SCP2: variants seen among roughly 807,000 people sequenced by gnomAD.
SCP2 encodes the protein SCP-2/3-oxoacyl-CoA thiolase.
A neutral mutation model predicts 71.4 loss-of-function variants in SCP2; 48 were observed. That is an observed-to-expected ratio of 0.67 (90% CI 0.53 to 0.86). The LOEUF (loss-of-function observed/expected upper bound fraction) is 0.86. SCP2 is among the 40% of genes least tolerant of loss of function. The pLI is 0.00. For synonymous variants in SCP2, 220 were observed against 218.1 expected (o/e 1.01, Z -0.08); for missense variants, 560 against 655.6 (o/e 0.85, Z 1.59).
At chr1:52,966,498 G>A (rs907509738) in intron 6 of SCP2, among the ~76,000 whole-genome samples, 1 of 151,622 alleles carries the variant, frequency 6.6e-6, no homozygotes, top group African/African-American at 2.4e-5. Context: ...AGGTTCTGTT[G>A]CTATTATTTT....
rs113895458 is a variant in SCP2, at chr1:52,978,338, T to A, written c.796T>A (p.Ser266Thr). 1.2e-6 allele frequency: 2 copies of A among 1,614,066 alleles called. No individual in the cohort carries two copies. The highest frequency in any genetic ancestry group is 4.5e-5 in the East Asian group (2 of 44,886). Residue 266 changes from serine (S) to threonine (T), a missense_variant, in exon 9 of 16, where the codon TCG becomes ACG. By Grantham distance (58) the Ser-to-Thr change is moderately conservative. Around this residue, in one of 3 missense-constraint regions of SCP2, gnomAD observed 513 missense variants for 573.1 expected, o/e 0.90. Coordinates refer to ENST00000371514, the MANE Select transcript of SCP2 (RefSeq NM_002979.5). ...AGAAATGATGACTGATTTGCCAAGC[T>A]CGTTTGAAGAAAAAAGCATTATTAA... ...AQEMMTDLPS[S>T]FEEKSIIKMV...
intron 13 of SCP2, among the ~76,000 whole-genome samples, chr1:53,038,295 T>A (rs1487097641): frequency 6.9e-6 from 1 of 144,828 alleles, no homozygotes; most frequent in Non-Finnish European, 1.5e-5. Flanking sequence ...GATCTCTACA[T>A]TAAAGATGCC....
At chr1:52,976,940 G>A (rs1658026578) in intron 8 of SCP2, among the ~76,000 whole-genome samples, 171 bp downstream of exon 8, 1 of 152,028 alleles carries the variant, frequency 6.6e-6, no homozygotes, top group East Asian at 1.9e-4. Context: ...TCTTACTCCT[G>A]CCTGGAGACA....
chr1:53,021,090 C>T (rs1035891183), intron 12 of SCP2, among the ~76,000 whole-genome samples: 9 of 151,868 alleles, frequency 5.9e-5, no homozygotes, highest in East Asian at 3.9e-4. Flanking sequence ...ACTGCAGCCT[C>T]GACCTCCCCA....
intron 2 of SCP2, 149 bp from the exon 3 acceptor site, chr1:52,947,860 T>C: frequency 1.5e-6 from 1 of 664,858 alleles, no homozygotes; most frequent in East Asian, 2.7e-5. Flanking sequence ...AAAGTAGAGA[T>C]GTGACATGAT....
At chr1:53,031,303 T>C (rs865972672) in intron 13 of SCP2, among the ~76,000 whole-genome samples, 1 of 152,232 alleles carries the variant, frequency 6.6e-6, no homozygotes, top group South Asian at 2.1e-4. Flanking sequence ...TGCTCCATTT[T>C]AATTCTTTTC....
chr1:53,029,786 T>C (rs1662396620), intron 13 of SCP2, among the ~76,000 whole-genome samples: 1 of 152,226 alleles, frequency 6.6e-6, no homozygotes, highest in Admixed American at 6.5e-5. Context: ...GCTGCAGACC[T>C]GTCCTGCAAC....
At chr1:52,948,774 G>A (rs1447146713) in intron 3 of SCP2, among the ~76,000 whole-genome samples, 1 of 151,832 alleles carries the variant, frequency 6.6e-6, no homozygotes, top group East Asian at 1.9e-4. Flanking sequence ...ATATATTCAA[G>A]GTATAAAATA....
intron 1 of SCP2, among the ~76,000 whole-genome samples, chr1:52,932,656 G>T (rs563490409): frequency 6.6e-6 from 1 of 152,302 alleles, no homozygotes; most frequent in Non-Finnish European, 1.5e-5. Flanking sequence ...TGACCATGTG[G>T]ACTATGGTTT....
intron 11 of SCP2, among the ~76,000 whole-genome samples, chr1:53,009,542 A>G (rs1660852370): frequency 6.6e-6 from 1 of 152,274 alleles, no homozygotes; most frequent in Admixed American, 6.5e-5. Context: ...TTCCCTATTT[A>G]GTAAACGGTG....
At chr1:53,000,019 G>A (rs2150207652) in intron 11 of SCP2, among the ~76,000 whole-genome samples, 1 of 152,030 alleles carries the variant, frequency 6.6e-6, no homozygotes, top group South Asian at 2.1e-4. Flanking sequence ...GTTTCACTAT[G>A]TTGGCCAGGC....
intron 11 of SCP2, chr1:52,994,869 C>T (rs1659811165): frequency 2.0e-6 from 1 of 508,716 alleles, no homozygotes; most frequent in South Asian, 1.6e-5. Flanking sequence ...ACTGTGTCTC[C>T]ATGTACTACA....
chr1:53,029,505 A>G (rs1382327641), intron 13 of SCP2, among the ~76,000 whole-genome samples: 1 of 152,216 alleles, frequency 6.6e-6, no homozygotes, highest in East Asian at 1.9e-4. Flanking sequence ...TTACACATCT[A>G]TTAAGGTGAT....
In SCP2 at chr1:52,972,614, C is replaced by T. The variant is rs1015997778; in HGVS notation, c.524-2155C>T. On this transcript the variant is annotated intron_variant, in intron 6 of 15. Transcript: ENST00000371514. ...GGAATTTGTCACCAACTGAGGCCAC[C>T]AATCCCAATTTTTAGGAGATTCCAA... is the stretch of plus-strand genomic sequence containing the variant. Among the ~76,000 whole-genome samples, 6 of 152,156 alleles carry T rather than the reference C, an allele frequency of 3.9e-5. 1 individual carries two copies. The highest frequency in any genetic ancestry group is 2.0e-4 in the Admixed American group (3 of 15,272).
chr1:52,975,477 C>G (rs933373807), intron 7 of SCP2, among the ~76,000 whole-genome samples: 3 of 151,626 alleles, frequency 2.0e-5, no homozygotes, highest in African/African-American at 7.3e-5. Context: ...CGCACCCAGC[C>G]TGTATTTTTA....
intron 12 of SCP2, among the ~76,000 whole-genome samples, chr1:53,019,145 T>C (rs918298054): frequency 1.1e-4 from 16 of 152,230 alleles, no homozygotes; most frequent in African/African-American, 3.6e-4. Flanking sequence ...TAACCCATAT[T>C]GGTGTTGTTA....
chr1:53,037,005 G>A (rs1662995189), intron 13 of SCP2, among the ~76,000 whole-genome samples: 1 of 151,944 alleles, frequency 6.6e-6, no homozygotes, highest in South Asian at 2.1e-4. Flanking sequence ...TAGCATGGTG[G>A]CGTGTGCTGT....
At position 53,039,140 on chromosome 1, in the gene SCP2, A is replaced by G. The variant is rs564157256; in HGVS notation, c.1468+94A>G. On this transcript the variant is annotated intron_variant, in intron 14 of 15. Coordinates refer to ENST00000371514, the MANE Select transcript of SCP2 (RefSeq NM_002979.5). ...GGGGTCTGCTTTACTGTTCCCAAAA[A>G]GGACTGGCTTTTAATGTTAAAGAAC... The G allele has an allele frequency of 1.5e-5, 22 of 1,462,246 alleles. No homozygotes were observed. The African/African-American group carries it at 3.1e-4, about 20-fold the overall frequency. The allele number at this position is 1,462,246 out of a possible 1,614,324, so 90.6% of individuals were successfully genotyped here. A position where few individuals can be genotyped will look rare whatever the true frequency, so the allele number is the denominator to read the frequency against.
At chr1:52,993,466 C>G in intron 11 of SCP2, 2 of 1,613,924 alleles carry the variant, frequency 1.2e-6, no homozygotes, top group Non-Finnish European at 8.5e-7. Flanking sequence ...CATCACGATC[C>G]TTTACTCTGA....
Sources: gnomAD v4.1 joint callset for allele counts (sites outside exome capture counted in the v4.1 genomes callset) on GRCh38, gnomAD v4.1.1 for gene constraint, gnomAD v4.1.1 regional missense constraint, MANE v1.5 for transcripts, NCBI Gene and HGNC (gene_info 2026-07-23, HGNC 2026-07-21) for gene names.